TIMP3: variants seen among roughly 807,000 people sequenced by gnomAD.
TIMP3 encodes metalloproteinase inhibitor 3.
Under a neutral mutation model 30.0 loss-of-function variants are expected in TIMP3, and 11 were observed. That is an observed-to-expected ratio of 0.37 (90% confidence interval 0.23 to 0.61). TIMP3 has a LOEUF of 0.61. Ranked by LOEUF, TIMP3 falls within the 20% of genes least tolerant of loss-of-function variation. TIMP3 has a pLI of 0.70. For synonymous variants in TIMP3, 112 were observed against 111.3 expected, an observed-to-expected ratio of 1.01 and a Z score of -0.04; for missense variants, 181 against 276.8, an observed-to-expected ratio of 0.65 and a Z score of 2.45.
intron 1 of TIMP3, among the ~76,000 whole-genome samples, chr22:32,811,665 C>T (rs753532005): frequency 1.2e-4 from 19 of 152,154 alleles, no homozygotes; most frequent in Non-Finnish European, 2.5e-4. Flanking sequence ...ATGACAACTT[C>T]GCAACGAGGA....
At chr22:32,821,087 C>A (rs1304968109) in intron 1 of TIMP3, among the ~76,000 whole-genome samples, 1 of 151,948 alleles carries the variant, frequency 6.6e-6, no homozygotes, top group Non-Finnish European at 1.5e-5. Context: ...GTGCAATCTC[C>A]CAGGCTCTTC....
At chr22:32,809,139 T>A (rs2046843245) in intron 1 of TIMP3, among the ~76,000 whole-genome samples, 1 of 152,236 alleles carries the variant, frequency 6.6e-6, no homozygotes, top group African/African-American at 2.4e-5. Flanking sequence ...TGCCTATCAG[T>A]CATCCCAGCT....
At chr22:32,839,577 C>A (rs1010295264) in intron 1 of TIMP3, among the ~76,000 whole-genome samples, 7 of 152,138 alleles carry the variant, frequency 4.6e-5, no homozygotes, top group Non-Finnish European at 2.9e-5. Context: ...TTGCCCTGTC[C>A]CAGGCCAAGG....
chr22:32,819,954 A>G (rs1238925802), intron 1 of TIMP3, among the ~76,000 whole-genome samples: 4 of 152,140 alleles, frequency 2.6e-5, no homozygotes, highest in Non-Finnish European at 4.4e-5. Context: ...ATCCTACCAC[A>G]TGGCTTCCTG....
At chr22:32,830,978 CA>C (rs1178057939) in intron 1 of TIMP3, among the ~76,000 whole-genome samples, 2 of 152,056 alleles carry the variant, frequency 1.3e-5, no homozygotes, top group African/African-American at 4.8e-5. Flanking sequence ...ACCAGGGGCA[CA>C]GGGGTGGGGG....
chr22:32,845,641 G>A (rs776483177), intron 1 of TIMP3, among the ~76,000 whole-genome samples: 7 of 152,166 alleles, frequency 4.6e-5, no homozygotes, highest in Non-Finnish European at 8.8e-5. Context: ...TTTGATTGTT[G>A]GGGGCACTGG....
chr22:32,805,737 A>G (rs540954588), intron 1 of TIMP3, among the ~76,000 whole-genome samples: 1 of 151,944 alleles, frequency 6.6e-6, no homozygotes, highest in Non-Finnish European at 1.5e-5. Context: ...TTGCTAAATG[A>G]TAAAGCTAAA....
chr22:32,829,394 T>C (rs950816015), intron 1 of TIMP3, among the ~76,000 whole-genome samples: 3 of 152,208 alleles, frequency 2.0e-5, no homozygotes, highest in African/African-American at 7.2e-5. Flanking sequence ...TGGCTCCCAG[T>C]TGGCACTTCA....
rs2046605157 is a variant in TIMP3 at position 32,802,139 on chromosome 22, C to T, written c.121+17C>T. 1 of 1,574,374 alleles carries T rather than the reference C, an allele frequency of 6.4e-7. No homozygotes were observed. The highest frequency in any genetic ancestry group is 8.6e-7 in the Non-Finnish European group (1 of 1,166,642). On this transcript the variant is annotated intron_variant, in intron 1 of 4. Coordinates refer to ENST00000266085, the MANE Select transcript of TIMP3 (RefSeq NM_000362.5). Reference sequence around the variant, plus strand: ...CCGACATCGGTAAGCGCTCCTGGTGCCCCGCCCGAGCCCCACGCTGCAGCC... The same window carrying T: ...CCGACATCGGTAAGCGCTCCTGGTGTCCCGCCCGAGCCCCACGCTGCAGCC...
At chr22:32,857,117 A>G (rs555150911) in intron 2 of TIMP3, 132 bp from the exon 3 acceptor site, 2 of 741,660 alleles carry the variant, frequency 2.7e-6, no homozygotes, top group Non-Finnish European at 4.9e-6. Context: ...GCTGCAGTCA[A>G]CATGAGAGTG....
intron 1 of TIMP3, among the ~76,000 whole-genome samples, chr22:32,803,731 C>T (rs1211297791): frequency 6.6e-6 from 1 of 152,164 alleles, no homozygotes; most frequent in Non-Finnish European, 1.5e-5. Flanking sequence ...CTGGTTTTGC[C>T]CAGCAGGATC....
chr22:32,840,240 C>T (rs935644574), intron 1 of TIMP3, among the ~76,000 whole-genome samples: 3 of 152,148 alleles, frequency 2.0e-5, no homozygotes, highest in Non-Finnish European at 4.4e-5. Flanking sequence ...GCCAAAAAAA[C>T]CTGCTTAAAT....
At chr22:32,841,964 G>A (rs1161484489) in intron 1 of TIMP3, among the ~76,000 whole-genome samples, 2 of 152,294 alleles carry the variant, frequency 1.3e-5, no homozygotes, top group South Asian at 2.1e-4. Flanking sequence ...AACATAGCAG[G>A]ACCACGAGCC....
intron 1 of TIMP3, among the ~76,000 whole-genome samples, chr22:32,802,870 G>A (rs1274103019): frequency 6.6e-6 from 1 of 152,094 alleles, no homozygotes; most frequent in Non-Finnish European, 1.5e-5. Flanking sequence ...GGGAGAATGG[G>A]TAGTGGAAAA....
At chr22:32,844,712 CTT>C (rs1376474600) in intron 1 of TIMP3, among the ~76,000 whole-genome samples, 8 of 143,716 alleles carry the variant, frequency 5.6e-5, no homozygotes, top group Admixed American at 7.0e-5. Flanking sequence ...CTTCTTCTTC[CTT>C]TTTTTTTTTT....
At chr22:32,843,469 G>C (rs1354266639) in intron 1 of TIMP3, among the ~76,000 whole-genome samples, 1 of 152,152 alleles carries the variant, frequency 6.6e-6, no homozygotes, top group African/African-American at 2.4e-5. Flanking sequence ...GCTCCAGGCC[G>C]ACCTCCCTGT....
intron 2 of TIMP3, among the ~76,000 whole-genome samples, chr22:32,856,401 G>A (rs2048366726): frequency 6.6e-6 from 1 of 152,096 alleles, no homozygotes; most frequent in Admixed American, 6.5e-5. Context: ...CATCTGGGGT[G>A]AAGGGGGCCC....
chr22:32,849,328 A>G lies in TIMP3; in HGVS notation c.122-124A>G, dbSNP rs2048153758. ...TCTTGTAAACACAATCATCTATTCC[A>G]GTTGGCTCCAAGGTAAGAGTGCAAT... On this transcript the variant is annotated intron_variant, in intron 1 of 4. Transcript: ENST00000266085. 6 of 767,856 alleles carry G rather than the reference A, an allele frequency of 7.8e-6. No homozygotes were observed. The South Asian group carries it at 9.1e-5, about 12-fold the overall frequency. 47.6% of individuals were successfully genotyped at this position (767,856 alleles called of 1,614,324 possible).
chr22:32,823,124 A>G (rs1025387921), intron 1 of TIMP3, among the ~76,000 whole-genome samples: 2 of 152,210 alleles, frequency 1.3e-5, no homozygotes, highest in Non-Finnish European at 2.9e-5. Context: ...TAAAAGAACA[A>G]TGGTGGGAAA....
Sources: allele counts gnomAD v4.1 joint callset (sites outside exome capture counted in the v4.1 genomes callset), GRCh38; gene constraint gnomAD v4.1.1; transcripts MANE v1.5; gene names NCBI Gene and HGNC (gene_info 2026-07-23, HGNC 2026-07-21).